Variants in PIGL observed in about 807,000 individuals in gnomAD.
PIGL encodes N-acetylglucosaminyl-phosphatidylinositol de-N-acetylase.
A neutral mutation model predicts 31.1 loss-of-function variants in PIGL; 22 were observed. The ratio of observed to expected loss-of-function variants is 0.71; its 90% CI spans 0.51 to 1.01. The LOEUF is 1.01. Ranked by LOEUF, PIGL falls within the 50% of genes least tolerant of loss-of-function variation. The pLI is 0.00. For synonymous variants in PIGL, 131 were observed against 117.4 expected, an observed-to-expected ratio of 1.12 and a Z score of -0.75; for missense variants, 302 against 315.9, an observed-to-expected ratio of 0.96 and a Z score of 0.33.
intron 1 of PIGL, 165 bp downstream of exon 1, chr17:16,217,626 C>CGAGA: frequency 1.7e-6 from 1 of 590,510 alleles, no homozygotes; most frequent in Non-Finnish European, 2.9e-6. Context: ...GAGCGGCCGG[C>CGAGA]TTACCTGGTG....
chr17:16,308,603 C>A (rs2093035869), intron 3 of PIGL, among the ~76,000 whole-genome samples: 1 of 151,870 alleles, frequency 6.6e-6, no homozygotes, highest in Admixed American at 6.6e-5. Context: ...AGACTGTAAT[C>A]CCAAAATGCC....
chr17:16,304,668 G>A (rs190858318), intron 3 of PIGL, among the ~76,000 whole-genome samples: 7 of 152,092 alleles, frequency 4.6e-5, no homozygotes, highest in Non-Finnish European at 1.0e-4. Context: ...GCAGCCTAGG[G>A]GGGTAGTAGT....
chr17:16,270,933 C>T (rs1470074671), intron 2 of PIGL, among the ~76,000 whole-genome samples: 1 of 151,914 alleles, frequency 6.6e-6, no homozygotes, highest in South Asian at 2.1e-4. Flanking sequence ...ATGATCCCTC[C>T]CTTGGACTCA....
intron 1 of PIGL, among the ~76,000 whole-genome samples, chr17:16,228,478 G>A (rs546691043): frequency 2.0e-5 from 3 of 152,014 alleles, no homozygotes; most frequent in South Asian, 2.1e-4. Context: ...TCCGCCTCCC[G>A]GGTTTACTTA....
At chr17:16,301,745 G>A (rs1416097746) in intron 3 of PIGL, among the ~76,000 whole-genome samples, 4 of 151,446 alleles carry the variant, frequency 2.6e-5, no homozygotes, top group African/African-American at 9.7e-5. Context: ...CTAATTTTTT[G>A]TATTTTTAAT....
At chr17:16,230,760 G>T (rs1433664178) in intron 1 of PIGL, among the ~76,000 whole-genome samples, 1 of 151,844 alleles carries the variant, frequency 6.6e-6, no homozygotes, top group African/African-American at 2.4e-5. Context: ...TACAGGCTAG[G>T]ATTACAGGCC....
intron 2 of PIGL, among the ~76,000 whole-genome samples, chr17:16,256,870 T>C (rs891916151): frequency 1.3e-5 from 2 of 151,730 alleles, no homozygotes; most frequent in Admixed American, 1.3e-4. Context: ...GTGTTTTTAG[T>C]AGAGATGAGT....
intron 2 of PIGL, among the ~76,000 whole-genome samples, chr17:16,256,663 T>C (rs910524299): frequency 6.8e-6 from 1 of 147,904 alleles, no homozygotes; most frequent in Non-Finnish European, 1.5e-5. Context: ...TTTCACCCTT[T>C]ATAGTTGTTT....
intron 1 of PIGL, among the ~76,000 whole-genome samples, chr17:16,228,599 A>G (rs1406476274): frequency 5.3e-5 from 8 of 151,792 alleles, no homozygotes; most frequent in Middle Eastern, 3.4e-3. Context: ...CGTGTTAGCC[A>G]GGATGGTCTC....
chr17:16,266,234 G>A (rs2092842012), intron 2 of PIGL, among the ~76,000 whole-genome samples: 2 of 151,726 alleles, frequency 1.3e-5, no homozygotes, highest in South Asian at 4.2e-4. Context: ...GGCCAACATG[G>A]TGAAAACCCA....
chr17:16,221,180 G>C (rs917409580), intron 1 of PIGL, among the ~76,000 whole-genome samples: 1 of 152,034 alleles, frequency 6.6e-6, no homozygotes, highest in African/African-American at 2.4e-5. Context: ...TTCAATTCTG[G>C]TCCCAAATTT....
intron 1 of PIGL, among the ~76,000 whole-genome samples, chr17:16,224,207 G>A (rs1345950864): frequency 2.0e-5 from 3 of 152,044 alleles, no homozygotes; most frequent in African/African-American, 7.2e-5. Context: ...TTGCGACAGA[G>A]CAAGACTCCG....
At chr17:16,245,961 A>G (rs1215270227) in intron 2 of PIGL, among the ~76,000 whole-genome samples, 1 of 149,988 alleles carries the variant, frequency 6.7e-6, no homozygotes, top group Non-Finnish European at 1.5e-5. Context: ...CTGGGACTAC[A>G]GGCACCCGCC....
chr17:16,295,100 G>A (rs141321558), intron 2 of PIGL, among the ~76,000 whole-genome samples: 1 of 152,132 alleles, frequency 6.6e-6, no homozygotes, highest in Non-Finnish European at 1.5e-5. Flanking sequence ...GTCCATCGGG[G>A]GACTTATGAT....
At chr17:16,247,925 T>A (rs1174649695) in intron 2 of PIGL, among the ~76,000 whole-genome samples, 1 of 152,112 alleles carries the variant, frequency 6.6e-6, no homozygotes, top group Non-Finnish European at 1.5e-5. Context: ...TCTCACTCTG[T>A]CGCCCAGGCT....
chr17:16,218,694 T>TG (rs1207486353), intron 1 of PIGL, among the ~76,000 whole-genome samples: 1 of 151,220 alleles, frequency 6.6e-6, no homozygotes, highest in Non-Finnish European at 1.5e-5. Flanking sequence ...TTTTTTTTTT[T>TG]TTCTGAGATA....
Position 16,325,829 on chromosome 17 carries a change from C to G in PIGL, c.690C>G (p.Leu230=). The G allele has an allele frequency of 1.2e-6, 2 of 1,613,972 alleles. No homozygotes were observed. The highest frequency in any genetic ancestry group is 8.5e-7 in the Non-Finnish European group (1 of 1,179,872). ...KKAMSCHRSQ[L]LWFRRLYIIF... is the part of the protein sequence containing the mutation. ...CCATGTCCTGCCACCGCAGCCAGCT[C>G]CTCTGGTTCCGCCGCCTCTACATTA... Residue 230 remains leucine, a synonymous_variant, in exon 7 of 7, where the codon CTC becomes CTG. Coordinates refer to ENST00000225609, the MANE Select transcript of PIGL (RefSeq NM_004278.4).
intron 4 of PIGL, 123 bp from the exon 5 acceptor site, chr17:16,316,558 A>T (rs1400127872): frequency 3.6e-5 from 33 of 927,868 alleles, no homozygotes; most frequent in Non-Finnish European, 5.1e-5. Flanking sequence ...TGCAAAAGAA[A>T]CCACCTGGAG....
At chr17:16,263,989 C>T (rs1235704353) in intron 2 of PIGL, among the ~76,000 whole-genome samples, 12 of 149,034 alleles carry the variant, frequency 8.1e-5, no homozygotes, top group African/African-American at 2.5e-4. Context: ...TTACAGGTGC[C>T]CCCACCACCA....
Sources: gnomAD v4.1 joint callset for allele counts (sites outside exome capture counted in the v4.1 genomes callset) on GRCh38, gnomAD v4.1.1 for gene constraint, MANE v1.5 for transcripts, NCBI Gene and HGNC (gene_info 2026-07-23, HGNC 2026-07-21) for gene names.